NCOR2: variants seen among roughly 807,000 people sequenced by gnomAD.
NCOR2 encodes CTG repeat protein 26.
NCOR2 carries 81 observed loss-of-function variants against 262.9 expected under a neutral mutation model. That is an observed-to-expected ratio of 0.31 (90% CI 0.26 to 0.37). The LOEUF (loss-of-function observed/expected upper bound fraction) is 0.37. Ranked by LOEUF, NCOR2 falls within the 10% of genes least tolerant of loss-of-function variation. The pLI is 1.00. For missense variants in NCOR2, 3,385 were observed against 3,621.4 expected (o/e 0.93, Z 1.68); for synonymous variants, 1,659 against 1,559.3 (o/e 1.06, Z -1.51).
chr12:124,449,478 C>T (rs911421425), intron 7 of NCOR2, among the ~76,000 whole-genome samples: 4 of 152,338 alleles, frequency 2.6e-5, no homozygotes, highest in South Asian at 4.1e-4. Context: ...GCCTTCTGCC[C>T]GCAACAGCTC....
At chr12:124,327,549 A>G (rs376572172) in exon 45 of NCOR2, 2 of 1,613,770 alleles carry the variant, frequency 1.2e-6, no homozygotes, top group African/African-American at 1.3e-5. Context: ...ATATTTACCC[A>G]TGAGTGCCTT....
rs749370309 is a variant in NCOR2, at chr12:124,347,788, G to A, written c.4072+37C>T. 92 of 1,549,382 alleles carry A rather than the reference G, an allele frequency of 5.9e-5. No individual in the cohort carries two copies. The South Asian group carries it at 9.6e-4, about 16-fold the overall frequency. Reference sequence around the variant, plus strand: ...CCGCGCCCTGCGTGACTGTACACCCGTTGGGGGCAACGAGGGAGCAGGGAA... The same window carrying A: ...CCGCGCCCTGCGTGACTGTACACCCATTGGGGGCAACGAGGGAGCAGGGAA... On this transcript the variant is annotated intron_variant, in intron 30 of 46. Coordinates refer to ENST00000405201, the Ensembl canonical transcript of NCOR2.
intron 22 of NCOR2, among the ~76,000 whole-genome samples, chr12:124,360,948 G>C (rs552748543): frequency 6.6e-6 from 1 of 152,280 alleles, no homozygotes; most frequent in Admixed American, 6.5e-5. Context: ...CCAGAGCAGA[G>C]ACTTCCTCTT....
chr12:124,335,147 G>A, exon 40 of NCOR2: 1 of 1,612,172 alleles, frequency 6.2e-7, no homozygotes, highest in Non-Finnish European at 8.5e-7. Context: ...TGATGTGCTG[G>A]GCCAGGGTGA....
At chr12:124,409,095 C>T (rs761155331) in intron 13 of NCOR2, among the ~76,000 whole-genome samples, 19 of 152,236 alleles carry the variant, frequency 1.2e-4, no homozygotes, top group Non-Finnish European at 2.4e-4. Context: ...AGATGCGTGT[C>T]GACAGAACGT....
chr12:124,434,771 TA>T (rs2044235303), intron 8 of NCOR2, among the ~76,000 whole-genome samples: 1 of 152,080 alleles, frequency 6.6e-6, no homozygotes, highest in East Asian at 1.9e-4. Context: ...GAGTATTTAT[TA>T]GGGGTGAAGG....
chr12:124,370,461 G>A (rs373444851), intron 20 of NCOR2, among the ~76,000 whole-genome samples: 2 of 152,176 alleles, frequency 1.3e-5, no homozygotes, highest in Non-Finnish European at 2.9e-5. Flanking sequence ...ATGACCCTGC[G>A]GGTCTGATTT....
At chr12:124,564,413 G>A (rs2052166723) in intron 1 of NCOR2, among the ~76,000 whole-genome samples, 1 of 152,176 alleles carries the variant, frequency 6.6e-6, no homozygotes, top group Non-Finnish European at 1.5e-5. Flanking sequence ...CAGTTCCCCA[G>A]TCTCAAAAGT....
chr12:124,450,447 C>T (rs111625902), intron 6 of NCOR2, among the ~76,000 whole-genome samples: 4 of 152,174 alleles, frequency 2.6e-5, no homozygotes, highest in Admixed American at 1.3e-4. Flanking sequence ...CCCCCGCTTC[C>T]GACCCCCATG....
chr12:124,519,608 G>A (rs1356882394), intron 1 of NCOR2, among the ~76,000 whole-genome samples: 1 of 152,178 alleles, frequency 6.6e-6, no homozygotes, highest in African/African-American at 2.4e-5. Context: ...TAATAGGAGT[G>A]GAGGGGAAGT....
intron 2 of NCOR2, among the ~76,000 whole-genome samples, chr12:124,484,064 C>T (rs929405104): frequency 1.3e-5 from 2 of 152,142 alleles, no homozygotes; most frequent in African/African-American, 4.8e-5. Flanking sequence ...TACGGACCAC[C>T]CCACCGTCCC....
intron 1 of NCOR2, among the ~76,000 whole-genome samples, chr12:124,515,687 A>G (rs575873536): frequency 2.0e-5 from 3 of 151,570 alleles, no homozygotes; most frequent in East Asian, 1.9e-4. Context: ...GTGTGCGAGT[A>G]TGCGTGTGCA....
chr12:124,388,550 TG>T, intron 16 of NCOR2: 2 of 909,832 alleles, frequency 2.2e-6, no homozygotes, highest in Non-Finnish European at 3.1e-6. Flanking sequence ...AAGGATGGGC[TG>T]GGACCCCCAT....
rs2044027020 is a variant in NCOR2, at chr12:124,432,578, T to C, written c.883-1791A>G. Among the ~76,000 whole-genome samples, 1 of 152,156 alleles carries C rather than the reference T, an allele frequency of 6.6e-6. No individual in the cohort carries two copies. On this transcript the variant is annotated intron_variant, in intron 8 of 46. Transcript: ENST00000405201. This position sits in a 1 kb window ranked among gnomAD's most constrained non-coding sequence, Gnocchi z 5.1. The stretch of plus-strand genomic sequence containing the variant: ...ACTGCCACACCACAGGAAGCTGTGC[T>C]GTACAACATGCGGGCCCGTCAGCCC...
At chr12:124,461,879 C>T (rs1216431440) in intron 5 of NCOR2, among the ~76,000 whole-genome samples, 1 of 152,192 alleles carries the variant, frequency 6.6e-6, no homozygotes, top group Non-Finnish European at 1.5e-5. Flanking sequence ...ATACACGCAC[C>T]CACGTGTGTA....
At chr12:124,350,326 GC>G (rs2037342750) in intron 28 of NCOR2, among the ~76,000 whole-genome samples, 1 of 152,206 alleles carries the variant, frequency 6.6e-6, no homozygotes, top group Admixed American at 6.5e-5. Context: ...TCTGTTCCGG[GC>G]CTCAGTTTCC....
chr12:124,494,621 G>A (rs995796842), intron 1 of NCOR2, among the ~76,000 whole-genome samples: 1 of 152,194 alleles, frequency 6.6e-6, no homozygotes, highest in East Asian at 1.9e-4. Context: ...GACACAGCCA[G>A]CACCCTGGAC....
At chr12:124,416,768 C>T (rs537275492) in intron 13 of NCOR2, among the ~76,000 whole-genome samples, 39 of 149,776 alleles carry the variant, frequency 2.6e-4, no homozygotes, top group African/African-American at 9.4e-4. Flanking sequence ...CAGGGAGTCC[C>T]CGCAGCACAG....
chr12:124,333,879 G>T (rs943225295), intron 41 of NCOR2, among the ~76,000 whole-genome samples: 23 of 20,364 alleles, frequency 1.1e-3, no homozygotes, highest in Admixed American at 5.8e-3. Context: ...CATGTGTGCG[G>T]GTGTGCATGT....
Sources: gnomAD v4.1 joint callset for allele counts (sites outside exome capture counted in the v4.1 genomes callset) on GRCh38, gnomAD v4.1.1 for gene constraint, Gnocchi (gnomAD v3.1) non-coding constraint, MANE v1.5 for transcripts, NCBI Gene and HGNC (gene_info 2026-07-23, HGNC 2026-07-21) for gene names.